KCNIP4: variants seen among roughly 807,000 people sequenced by gnomAD.
KCNIP4 encodes potassium voltage-gated channel interacting protein 4.
A neutral mutation model predicts 34.0 loss-of-function variants in KCNIP4; 12 were observed. The ratio of observed to expected loss-of-function variants is 0.35; its 90% CI spans 0.23 to 0.57. The LOEUF is 0.57. Ranked by LOEUF, KCNIP4 falls within the 20% of genes least tolerant of loss-of-function variation. The pLI, the probability that KCNIP4 is intolerant of heterozygous loss-of-function variation, is 0.83. For synonymous variants in KCNIP4, 124 were observed against 102.2 expected, an observed-to-expected ratio of 1.21 and a Z score of -1.29; for missense variants, 238 against 311.7, an observed-to-expected ratio of 0.76 and a Z score of 1.78.
At chr4:21,558,653 C>T (rs1385938560) in intron 1 of KCNIP4, among the ~76,000 whole-genome samples, 2 of 151,984 alleles carry the variant, frequency 1.3e-5, no homozygotes, top group East Asian at 3.9e-4. Context: ...AAAAAAAATC[C>T]ATGTCCAAAG....
At chr4:21,790,076 A>T (rs1413446140) in intron 1 of KCNIP4, among the ~76,000 whole-genome samples, 1 of 152,214 alleles carries the variant, frequency 6.6e-6, no homozygotes, top group African/African-American at 2.4e-5. Context: ...AAAGAGCTCC[A>T]GGCAAAGCCA....
chr4:20,852,917 A>G (rs556974462), intron 2 of KCNIP4, among the ~76,000 whole-genome samples: 5 of 152,184 alleles, frequency 3.3e-5, no homozygotes, highest in Non-Finnish European at 5.9e-5. Context: ...TACCTAACAA[A>G]GGAGTCAAAA....
chr4:21,418,482 G>A (rs542717115), intron 1 of KCNIP4, among the ~76,000 whole-genome samples: 38 of 150,816 alleles, frequency 2.5e-4, no homozygotes, highest in African/African-American at 9.2e-4. Flanking sequence ...GGGTGACAAA[G>A]CAAGACTCCA....
At chr4:21,007,282 T>A (rs1284735727) in intron 1 of KCNIP4, among the ~76,000 whole-genome samples, 3 of 152,086 alleles carry the variant, frequency 2.0e-5, no homozygotes, top group Admixed American at 2.0e-4. Context: ...ACACCGTATA[T>A]GGCGGAACCT....
At chr4:21,111,236 A>G (rs977166744) in intron 1 of KCNIP4, among the ~76,000 whole-genome samples, 48 of 152,192 alleles carry the variant, frequency 3.2e-4, no homozygotes, top group African/African-American at 1.1e-3. Flanking sequence ...TAGGAGAAAG[A>G]GAGAACGAAA....
At chr4:21,940,212 T>C (rs1296966732) in intron 1 of KCNIP4, among the ~76,000 whole-genome samples, 1 of 152,086 alleles carries the variant, frequency 6.6e-6, no homozygotes, top group Non-Finnish European at 1.5e-5. Flanking sequence ...CATATTACAA[T>C]TAGAAAAATT....
chr4:21,005,877 T>C (rs1208211796), intron 1 of KCNIP4, among the ~76,000 whole-genome samples: 1 of 152,122 alleles, frequency 6.6e-6, no homozygotes, highest in Non-Finnish European at 1.5e-5. Flanking sequence ...ATTTTTATCC[T>C]AAAACATACT....
At chr4:21,318,829 T>C (rs1038811826) in intron 1 of KCNIP4, among the ~76,000 whole-genome samples, 2 of 152,124 alleles carry the variant, frequency 1.3e-5, no homozygotes, top group African/African-American at 4.8e-5. Context: ...TGGGTTTTTA[T>C]TTTTCCTGGA....
At chr4:21,012,516 G>T (rs1739146032) in intron 1 of KCNIP4, among the ~76,000 whole-genome samples, 1 of 152,194 alleles carries the variant, frequency 6.6e-6, no homozygotes, top group Non-Finnish European at 1.5e-5. Context: ...TCAGTAAGCA[G>T]TGATCATGCC....
chr4:20,968,168 A>G (rs1481012784), intron 1 of KCNIP4, among the ~76,000 whole-genome samples: 8 of 152,250 alleles, frequency 5.3e-5, no homozygotes, highest in Non-Finnish European at 8.8e-5. Context: ...CAAAAGACAC[A>G]TGAAAAAATG....
intron 1 of KCNIP4, among the ~76,000 whole-genome samples, chr4:20,885,600 C>G (rs1725208744): frequency 6.6e-6 from 1 of 151,970 alleles, no homozygotes; most frequent in African/African-American, 2.4e-5. Flanking sequence ...TCTTGCTCAG[C>G]TAGCTCTGTA....
At chr4:21,737,870 G>T (rs913015300) in intron 1 of KCNIP4, among the ~76,000 whole-genome samples, 1 of 151,908 alleles carries the variant, frequency 6.6e-6, no homozygotes, top group Non-Finnish European at 1.5e-5. Context: ...AGATCATAAG[G>T]TCAGGAGATC....
chr4:20,781,147 T>C (rs1756831934), intron 3 of KCNIP4, among the ~76,000 whole-genome samples: 1 of 152,158 alleles, frequency 6.6e-6, no homozygotes, highest in Non-Finnish European at 1.5e-5. Context: ...ATGTGAGCTG[T>C]AGAGCATTAT....
intron 1 of KCNIP4, among the ~76,000 whole-genome samples, chr4:21,271,414 G>T (rs1291811326): frequency 1.3e-5 from 2 of 152,196 alleles, no homozygotes; most frequent in Non-Finnish European, 2.9e-5. Context: ...ACTTTCTTAT[G>T]CTGTGAAATA....
intron 1 of KCNIP4, among the ~76,000 whole-genome samples, chr4:21,226,878 T>C (rs966830138): frequency 6.6e-6 from 1 of 152,128 alleles, no homozygotes; most frequent in Non-Finnish European, 1.5e-5. Flanking sequence ...ATTTTTTTTT[T>C]ACTCTGCACC....
intron 1 of KCNIP4, among the ~76,000 whole-genome samples, chr4:20,937,837 G>A (rs1459288666): frequency 6.6e-6 from 1 of 152,072 alleles, no homozygotes; most frequent in African/African-American, 2.4e-5. Context: ...AAGTAATTAG[G>A]CCATAATTAT....
chr4:21,896,109 C>T (rs755617652), intron 1 of KCNIP4, among the ~76,000 whole-genome samples: 1 of 152,156 alleles, frequency 6.6e-6, no homozygotes, highest in Non-Finnish European at 1.5e-5. Context: ...CATTGTCTCA[C>T]TTCCTCCTTA....
At chr4:20,834,530 A>T (rs117477681) in intron 3 of KCNIP4, among the ~76,000 whole-genome samples, 5,515 of 152,286 alleles carry the variant, frequency 0.036, 183 homozygotes, top group East Asian at 0.087. Context: ...ATTAGGGGAG[A>T]TGATGTTTAA....
intron 2 of KCNIP4, among the ~76,000 whole-genome samples, chr4:20,866,767 C>A (rs1346619711): frequency 6.6e-6 from 1 of 151,920 alleles, no homozygotes; most frequent in East Asian, 1.9e-4. Flanking sequence ...TCCTAAAGAT[C>A]CTTTCAAAGG....
Sources: allele counts gnomAD v4.1 joint callset (sites outside exome capture counted in the v4.1 genomes callset), GRCh38; gene constraint gnomAD v4.1.1; transcripts MANE v1.5; gene names NCBI Gene and HGNC (gene_info 2026-07-23, HGNC 2026-07-21).